The following TMEM132D variants were observed in gnomAD, a reference collection of about 807,000 sequenced individuals.
TMEM132D encodes the protein mature OL transmembrane protein.
In TMEM132D, 21 loss-of-function variants were observed where a neutral mutation model predicts 62.3. The observed-to-expected ratio is 0.34, with a 90% confidence interval of 0.24 to 0.49. TMEM132D has a LOEUF of 0.49. TMEM132D is among the 20% of genes least tolerant of loss of function. TMEM132D has a pLI of 0.99. For missense variants in TMEM132D, 1,346 were observed against 1,402.8 expected, an observed-to-expected ratio of 0.96 and a Z score of 0.65; for synonymous variants, 621 against 575.6, an observed-to-expected ratio of 1.08 and a Z score of -1.13.
chr12:129,566,834 C>G (rs895893189), intron 2 of TMEM132D, among the ~76,000 whole-genome samples: 1 of 152,174 alleles, frequency 6.6e-6, no homozygotes, highest in African/African-American at 2.4e-5. Flanking sequence ...TCCACAACCC[C>G]TTATCTTAAC....
intron 5 of TMEM132D, among the ~76,000 whole-genome samples, chr12:129,192,032 A>T (rs1455617737): frequency 6.6e-6 from 1 of 152,244 alleles, no homozygotes; most frequent in East Asian, 1.9e-4. Flanking sequence ...GGGTCTCTAA[A>T]GTCTGAACCT....
intron 4 of TMEM132D, among the ~76,000 whole-genome samples, chr12:129,325,758 T>C (rs1332169840): frequency 6.6e-6 from 1 of 152,208 alleles, no homozygotes; most frequent in Non-Finnish European, 1.5e-5. Context: ...TTAGTCACAG[T>C]AGGAACCTGA....
At chr12:129,554,775 C>A (rs1169358165) in intron 2 of TMEM132D, among the ~76,000 whole-genome samples, 1 of 152,158 alleles carries the variant, frequency 6.6e-6, no homozygotes, top group African/African-American at 2.4e-5. Context: ...AGGCCAAAGG[C>A]TTAGGAGCAC....
chr12:129,407,471 A>G (rs1211346687), intron 3 of TMEM132D, among the ~76,000 whole-genome samples: 3 of 152,218 alleles, frequency 2.0e-5, no homozygotes, highest in Non-Finnish European at 4.4e-5. Flanking sequence ...AGAACTAAGT[A>G]TAAAAATTTC....
intron 2 of TMEM132D, among the ~76,000 whole-genome samples, chr12:129,623,703 A>ACATACATATG (rs1296919966): frequency 7.1e-6 from 1 of 141,070 alleles, no homozygotes; most frequent in Non-Finnish European, 1.5e-5. Context: ...ACATATATAT[A>ACATACATATG]CATACATATG....
chr12:129,270,637 G>A (rs1052219789), intron 4 of TMEM132D, among the ~76,000 whole-genome samples: 3 of 152,186 alleles, frequency 2.0e-5, no homozygotes, highest in African/African-American at 7.2e-5. Flanking sequence ...TACAGTCAAA[G>A]TTCCATATTG....
At chr12:129,504,468 T>C (rs562705209) in intron 3 of TMEM132D, among the ~76,000 whole-genome samples, 1 of 152,326 alleles carries the variant, frequency 6.6e-6, no homozygotes, top group Admixed American at 6.5e-5. Context: ...TGATTTAAGC[T>C]GGGTGGGTTT....
chr12:129,584,144 T>A (rs1877952396), intron 2 of TMEM132D, among the ~76,000 whole-genome samples: 1 of 152,162 alleles, frequency 6.6e-6, no homozygotes, highest in Non-Finnish European at 1.5e-5. Context: ...ATTGCTATAG[T>A]TTTTGCTGAA....
intron 3 of TMEM132D, among the ~76,000 whole-genome samples, chr12:129,513,912 A>G (rs1875589424): frequency 6.7e-6 from 1 of 149,638 alleles, no homozygotes; most frequent in Non-Finnish European, 1.5e-5. Context: ...ATCTCGGCTG[A>G]CTGCAAGCTC....
intron 3 of TMEM132D, among the ~76,000 whole-genome samples, chr12:129,464,590 T>A (rs1000419826): frequency 4.3e-4 from 65 of 152,314 alleles, no homozygotes; most frequent in African/African-American, 1.5e-3. Flanking sequence ...TCTTCTAGGG[T>A]TTTTATGGTT....
chr12:129,486,855 T>C (rs36102918), intron 3 of TMEM132D, among the ~76,000 whole-genome samples: 62,477 of 151,894 alleles, frequency 0.41, 14,384 homozygotes, highest in Non-Finnish European at 0.51. Context: ...AGGTCCTGTT[T>C]CAGGTGATAG....
intron 2 of TMEM132D, among the ~76,000 whole-genome samples, chr12:129,534,558 T>C (rs968108906): frequency 6.6e-6 from 1 of 152,072 alleles, no homozygotes; most frequent in African/African-American, 2.4e-5. Context: ...TGGTGCGCAA[T>C]TGTTGCTTTT....
chr12:129,510,042 C>A (rs982914395), intron 3 of TMEM132D, among the ~76,000 whole-genome samples: 7 of 152,168 alleles, frequency 4.6e-5, no homozygotes, highest in African/African-American at 1.7e-4. Context: ...TAATGAACCT[C>A]CAAACTATTC....
chr12:129,708,334 C>T (rs1000217723), intron 1 of TMEM132D, among the ~76,000 whole-genome samples: 1 of 152,124 alleles, frequency 6.6e-6, no homozygotes, highest in African/African-American at 2.4e-5. Context: ...CCCAAACACA[C>T]TAATCCTATT....
chr12:129,279,651 T>C (rs1267356724), intron 4 of TMEM132D, among the ~76,000 whole-genome samples: 3 of 152,076 alleles, frequency 2.0e-5, no homozygotes, highest in African/African-American at 4.8e-5. Context: ...AATACACCCA[T>C]TGGCAATCCC....
chr12:129,074,988 T>G lies in TMEM132D; in HGVS notation c.2187A>C (p.Lys729Asn), dbSNP rs759372851. 1 of 1,613,920 alleles carries G rather than the reference T, an allele frequency of 6.2e-7. No individual in the cohort carries two copies. The highest frequency in any genetic ancestry group is 1.7e-5 in the Admixed American group (1 of 60,006). Residue 729 changes from lysine (K) to asparagine (N), a missense_variant, in exon 9 of 9, where the codon AAA becomes AAC. Physicochemically the swap from Lys to Asn is moderately conservative, Grantham distance 94. Transcript: ENST00000422113. The part of the protein sequence containing the change: ...SVTPLDIYDG[K>N]DFSLMATSLD... ...AAGATGTGGCCATCAAGGAGAAGTC[T>G]TTCCCATCGTAAATATCCAAGGGCG...
chr12:129,575,433 A>C (rs946948172), intron 2 of TMEM132D, among the ~76,000 whole-genome samples: 4 of 151,786 alleles, frequency 2.6e-5, no homozygotes, highest in Non-Finnish European at 4.4e-5. Context: ...TCTCTCACTA[A>C]ATAATGTGAA....
intron 2 of TMEM132D, among the ~76,000 whole-genome samples, chr12:129,627,528 T>C (rs1334295535): frequency 6.6e-6 from 1 of 152,126 alleles, no homozygotes; most frequent in Non-Finnish European, 1.5e-5. Context: ...GTATACAAAG[T>C]ATCCCATAAA....
intron 1 of TMEM132D, among the ~76,000 whole-genome samples, chr12:129,795,393 G>T (rs184920972): frequency 6.6e-6 from 1 of 152,164 alleles, no homozygotes; most frequent in African/African-American, 2.4e-5. Flanking sequence ...GACAGATTCC[G>T]CTGGATCCCC....
Sources: gnomAD v4.1 joint callset for allele counts (sites outside exome capture counted in the v4.1 genomes callset) on GRCh38, gnomAD v4.1.1 for gene constraint, MANE v1.5 for transcripts, NCBI Gene and HGNC (gene_info 2026-07-23, HGNC 2026-07-21) for gene names.